SPINK9: variants seen among roughly 807,000 people sequenced by gnomAD.
The protein encoded by SPINK9 is serine protease inhibitor Kazal-type 9.
SPINK9 carries 3 observed loss-of-function variants against 10.8 expected under a neutral mutation model. The ratio of observed to expected loss-of-function variants is 0.28; its 90% confidence interval spans 0.13 to 0.72. The LOEUF is 0.72. Among genes scored for constraint, SPINK9 ranks in the 30% least tolerant of loss-of-function variants. The pLI, the probability that SPINK9 is intolerant of heterozygous loss-of-function variation, is 0.74. For synonymous variants in SPINK9, 30 were observed against 31.2 expected (o/e 0.96, Z 0.12); for missense variants, 101 against 103.2 (o/e 0.98, Z 0.09).
In SPINK9 at chr5:148,339,790, C is replaced by T. The variant is rs1757266629; in HGVS notation, c.*78C>T. 5.8e-6 allele frequency: 7 copies of T among 1,196,716 alleles called. No individual in the cohort carries two copies. The highest frequency in any genetic ancestry group is 1.9e-4 in the Middle Eastern group (1 of 5,150). 74.1% of individuals were successfully genotyped at this position (1,196,716 alleles called of 1,614,324 possible). A position where few individuals can be genotyped will look rare whatever the true frequency, so the allele number is the denominator to read the frequency against. Reference sequence around the variant, plus strand: ...CATTTCTGTTCCCATATTATCTATGCCACATTGCCTACTCATCACCATATG... The same window carrying T: ...CATTTCTGTTCCCATATTATCTATGTCACATTGCCTACTCATCACCATATG... On this transcript the variant is annotated 3_prime_UTR_variant, in exon 4 of 4. Transcript: ENST00000377906.
chr5:148,322,380 T>C (rs1757009087), intron 1 of SPINK9, among the ~76,000 whole-genome samples: 1 of 152,162 alleles, frequency 6.6e-6, no homozygotes, highest in African/African-American at 2.4e-5. Flanking sequence ...TGATATAGAA[T>C]GTGCACAAAA....
At chr5:148,330,599 C>G (rs1483467202), upstream of SPINK9, among the ~76,000 whole-genome samples, 1 of 152,034 alleles carries the variant, frequency 6.6e-6, no homozygotes, top group Non-Finnish European at 1.5e-5. Context: ...TCTTCCTAGC[C>G]TTGATGGTCT....
Position 148,327,232 on chromosome 5 carries a change from T to C in SPINK9, c.118+3364T>C, listed in dbSNP as rs552495811. Among the ~76,000 whole-genome samples, 493 of 152,344 alleles carry C rather than the reference T, an allele frequency of 3.2e-3. 1 individual carries two copies. The highest frequency in any genetic ancestry group is 0.027 in the South Asian group (130 of 4,832). The stretch of plus-strand genomic sequence containing the variant: ...ACTGGTGTGAGATGGTATCTCATTG[T>C]GGTTTTGATTTGCATTTCTCTGATG... On this transcript the variant is annotated intron_variant, in intron 2 of 4. Coordinates refer to the SPINK9 transcript ENST00000511717.
chr5:148,323,099 T>C (rs1757017217), intron 1 of SPINK9, among the ~76,000 whole-genome samples: 1 of 152,118 alleles, frequency 6.6e-6, no homozygotes, highest in Non-Finnish European at 1.5e-5. Context: ...TTTTAATGTA[T>C]GAAATATAAA....
chr5:148,327,285 T>C (rs1266180711), intron 2 of SPINK9, among the ~76,000 whole-genome samples: 5 of 152,344 alleles, frequency 3.3e-5, no homozygotes, highest in African/African-American at 1.2e-4. Context: ...TTTCATGTGT[T>C]TTTTGGCCGC....
chr5:148,328,996 G>A (rs1757109077), intron 2 of SPINK9, among the ~76,000 whole-genome samples: 1 of 152,120 alleles, frequency 6.6e-6, no homozygotes, highest in Non-Finnish European at 1.5e-5. Context: ...AGGCTTTGGT[G>A]TCAGGATGAT....
At chr5:148,328,481 G>A (rs948416510) in intron 2 of SPINK9, among the ~76,000 whole-genome samples, 4 of 152,150 alleles carry the variant, frequency 2.6e-5, no homozygotes, top group Admixed American at 2.6e-4. Flanking sequence ...TTTCCTAATG[G>A]AATGCCCTTT....
At chr5:148,335,494 T>C, upstream of SPINK9, 1 of 814,010 alleles carries the variant, frequency 1.2e-6, no homozygotes, top group Non-Finnish European at 2.0e-6. Flanking sequence ...ACTTAGAAAT[T>C]GCTATTTCAC....
Position 148,339,737 on chromosome 5 carries a change from C to CT in SPINK9, c.*29dup. ...AATCTATCTTGTGAGTCCAAAATAT[C>CT]TTTTAATGCATCTATTCACAAGAGT... On this transcript the variant is annotated 3_prime_UTR_variant, in exon 4 of 4. Coordinates refer to ENST00000377906, the MANE Select transcript of SPINK9 (RefSeq NM_001040433.2). 1.9e-6 allele frequency: 3 copies of CT among 1,577,062 alleles called. No homozygotes were observed. The highest frequency in any genetic ancestry group is 2.6e-6 in the Non-Finnish European group (3 of 1,147,272).
chr5:148,324,710 C>CTTATTA (rs3036873), intron 2 of SPINK9, among the ~76,000 whole-genome samples: 79 of 151,066 alleles, frequency 5.2e-4, no homozygotes, highest in Middle Eastern at 3.4e-3. Context: ...CTGAATGGGT[C>CTTATTA]TTATTATTAT....
rs961594253 is a variant in SPINK9 at position 148,339,664 on chromosome 5, C to T, written c.216-3C>T. On this transcript the variant is annotated splice_region_variant and splice_polypyrimidine_tract_variant and intron_variant, in intron 3 of 3. Coordinates refer to ENST00000377906, the MANE Select transcript of SPINK9 (RefSeq NM_001040433.2). ...CTCATTTGTTGCTATATTCTCTCCA[C>T]AGGAAAACTGACGGCACACTTAAAT... 1 of 1,612,334 alleles carries T rather than the reference C, an allele frequency of 6.2e-7. No individual in the cohort carries two copies. Among genetic ancestry groups the T allele is most frequent in the Non-Finnish European group, 8.5e-7 (1 of 1,179,064 alleles).
At chr5:148,338,646 A>T in intron 3 of SPINK9, 41 bp downstream of exon 3, 1 of 1,443,442 alleles carries the variant, frequency 6.9e-7, no homozygotes. Flanking sequence ...TTAAGGTAAA[A>T]GTATATATTA....
At chr5:148,328,139 C>G (rs1213928505) in intron 2 of SPINK9, among the ~76,000 whole-genome samples, 4 of 152,166 alleles carry the variant, frequency 2.6e-5, no homozygotes, top group Non-Finnish European at 1.5e-5. Flanking sequence ...TATCCATGAG[C>G]AAGGAATGTT....
chr5:148,324,529 C>T (rs557045653), intron 2 of SPINK9, among the ~76,000 whole-genome samples: 1 of 152,034 alleles, frequency 6.6e-6, no homozygotes, highest in Non-Finnish European at 1.5e-5. Context: ...AATAACGTTT[C>T]GATTTCTCTA....
At chr5:148,324,710 C>CTTA (rs3036873) in intron 2 of SPINK9, among the ~76,000 whole-genome samples, 9,130 of 150,992 alleles carry the variant, frequency 0.06, 731 homozygotes, top group African/African-American at 0.19. Context: ...CTGAATGGGT[C>CTTA]TTATTATTAT....
intron 2 of SPINK9, among the ~76,000 whole-genome samples, chr5:148,326,979 T>C (rs1240630580): frequency 6.6e-6 from 1 of 152,084 alleles, no homozygotes; most frequent in African/African-American, 2.4e-5. Flanking sequence ...AACATATGTG[T>C]GCATGTGTCT....
At chr5:148,321,999 T>C (rs1757004922) in intron 1 of SPINK9, among the ~76,000 whole-genome samples, 1 of 152,248 alleles carries the variant, frequency 6.6e-6, no homozygotes, top group Admixed American at 6.5e-5. Flanking sequence ...ATATGTTTTA[T>C]GTTTGTTATT....
chr5:148,335,801 C>G, intron 1 of SPINK9, 133 bp downstream of exon 1: 1 of 1,038,718 alleles, frequency 9.6e-7, no homozygotes, highest in Admixed American at 2.1e-5. Flanking sequence ...AATCTTTTGC[C>G]TCAACCAACG....
At chr5:148,323,553 T>G (rs912515589) in intron 1 of SPINK9, 1 of 450,534 alleles carries the variant, frequency 2.2e-6, no homozygotes, top group African/African-American at 2.0e-5. Flanking sequence ...ACATATATAT[T>G]AACTTTATTA....
Sources: gnomAD v4.1 joint callset for allele counts (sites outside exome capture counted in the v4.1 genomes callset) on GRCh38, gnomAD v4.1.1 for gene constraint, MANE v1.5 for transcripts, NCBI Gene and HGNC (gene_info 2026-07-23, HGNC 2026-07-21) for gene names.